The following XAB2 variants were observed in gnomAD, a reference collection of about 807,000 sequenced individuals.
XAB2 encodes XPA binding protein 2.
A neutral mutation model predicts 113.4 loss-of-function variants in XAB2; 57 were observed. That is an observed-to-expected ratio of 0.50 (90% confidence interval 0.41 to 0.63). XAB2 has a LOEUF of 0.63. Among genes scored for constraint, XAB2 ranks in the 20% least tolerant of loss-of-function variants. XAB2 has a pLI of 0.00. For synonymous variants in XAB2, 497 were observed against 498.8 expected (o/e 1.00, Z 0.05); for missense variants, 1,037 against 1,233.3 (o/e 0.84, Z 2.38).
rs565863506 is a variant in XAB2, at chr19:7,622,492, T to A, written c.1503+38A>T. On this transcript the variant is annotated intron_variant, in intron 11 of 18. Transcript: ENST00000358368. ...GGTTGGAGCTGGTTCTGGAGCTGAGTCCGGGGCCCCGTCCCTCCCCAGCCA... is the reference window on the plus strand; with the variant it reads ...GGTTGGAGCTGGTTCTGGAGCTGAGACCGGGGCCCCGTCCCTCCCCAGCCA... 3.1e-6 allele frequency: 5 copies of A among 1,613,630 alleles called. No individual in the cohort carries two copies. In the East Asian group the frequency reaches 6.7e-5, roughly 22 times the overall value.
intron 10 of XAB2, 30 bp downstream of exon 10, chr19:7,622,732 C>A (rs369848501): frequency 6.2e-7 from 1 of 1,613,410 alleles, no homozygotes; most frequent in South Asian, 1.1e-5. Flanking sequence ...AACCTGCAGC[C>A]CCCACCCCAC....
chr19:7,623,099 CACAT>C lies in XAB2; in HGVS notation c.1239+67_1239+70del. The C allele has an allele frequency of 1.9e-6, 3 of 1,592,756 alleles. No homozygotes were observed. The highest frequency in any genetic ancestry group is 2.6e-6 in the Non-Finnish European group (3 of 1,168,812). On this transcript the variant is annotated intron_variant, in intron 9 of 18. Transcript: ENST00000358368. This position sits in a 1 kb window ranked among gnomAD's most constrained non-coding sequence, Gnocchi z 4.6. ...ACATCCATGCACAAATATGTACACA[CACAT>C]ACATGCACACATATACAAGCACACA...
chr19:7,626,354 C>A, intron 4 of XAB2, 84 bp from the exon 5 acceptor site: 2 of 1,549,896 alleles, frequency 1.3e-6, no homozygotes, highest in Non-Finnish European at 1.7e-6. Flanking sequence ...GGGGCGTCCC[C>A]CCCCACCCAT....
At position 7,625,820 on chromosome 19, in the gene XAB2, TC is replaced by T. The variant is rs34086207; in HGVS notation, c.822+59del. The T allele has an allele frequency of 1.3e-6, 2 of 1,543,624 alleles. No homozygotes were observed. Among genetic ancestry groups the T allele is most frequent in the Non-Finnish European group, 8.8e-7 (1 of 1,141,176 alleles). On this transcript the variant is annotated intron_variant, in intron 6 of 18. Transcript: ENST00000358368. The surrounding 1 kb of genome is among the most constrained non-coding windows in gnomAD (Gnocchi z 5.2). ...CTGCCTGTGCATGTGTCAACATGTG[TC>T]CCCGAGTGTCGGAGGGAGACCCCGC...
chr19:7,620,968 C>G lies in XAB2; in HGVS notation c.1849G>C (p.Glu617Gln), dbSNP rs768490377. ...GLARHAMAVYERATRAVEPAQ... is the reference protein window; with the variant it reads ...GLARHAMAVYQRATRAVEPAQ... ...GGCTCCACGGCCCTGGTGGCACGCT[C>G]GTACACGGCCATGGCATGCCGGGCC... Residue 617 changes from glutamate to glutamine, a missense_variant, in exon 14 of 19, where the codon GAG (glutamate) becomes CAG (glutamine). Transcript: ENST00000358368. 1.9e-6 allele frequency: 3 copies of G among 1,578,386 alleles called. No individual in the cohort carries two copies. The highest frequency in any genetic ancestry group is 1.2e-5 in the South Asian group (1 of 86,338).
In XAB2 at chr19:7,619,779, T is replaced by A; in HGVS notation, c.2474A>T (p.Glu825Val). 1 of 1,613,776 alleles carries A rather than the reference T, an allele frequency of 6.2e-7. No homozygotes were observed. ...NPEEIQLGEDEDEDEMDLEPN... is the reference protein window; with the variant it reads ...NPEEIQLGEDVDEDEMDLEPN... ...CTCCAGGTCCATCTCGTCCTCGTCC[T>A]CGTCCTCGCCCAGCTGGATCTCCTC... Residue 825 changes from glutamate to valine, a missense_variant, in exon 18 of 19, where the codon GAG (glutamate) becomes GTG (valine). Physicochemically the swap from Glu to Val is moderately radical, Grantham distance 121 (BLOSUM62 -2). Transcript: ENST00000358368.
Position 7,624,573 on chromosome 19 carries a change from G to C in XAB2, c.823-128C>G. ...GGGTAGTGACGCATCCAGCACCTCT[G>C]GGTAGTGACCCCAGGACAGAGCCTC... On this transcript the variant is annotated intron_variant, in intron 6 of 18. Coordinates refer to ENST00000358368, the MANE Select transcript of XAB2 (RefSeq NM_020196.3). The surrounding 1 kb of genome is among the most constrained non-coding windows in gnomAD (Gnocchi z 4.2). 1 of 1,383,192 alleles carries C rather than the reference G, an allele frequency of 7.2e-7. No individual in the cohort carries two copies. 85.7% of individuals were successfully genotyped at this position (1,383,192 alleles called of 1,614,324 possible).
In XAB2 at chr19:7,626,193, C is replaced by G. The variant is rs1319236415; in HGVS notation, c.600G>C (p.Leu200=). 1 of 1,613,778 alleles carries G rather than the reference C, an allele frequency of 6.2e-7. No individual in the cohort carries two copies. Among genetic ancestry groups the G allele is most frequent in the East Asian group, 2.2e-5 (1 of 44,894 alleles). The change falls in exon 5 of 19, where the codon CTG becomes CTC. Residue 200 remains leucine, a synonymous_variant. Transcript: ENST00000358368. ...AACGCTCGTCGTTCACCACGGTGGC[C>G]AGGCGCTGGGCGGCCTCATCCAGCC... ...SDRLDEAAQR[L]ATVVNDERFV... is the part of the protein sequence containing the mutation.
rs1410950466 is a variant in XAB2, at chr19:7,623,498, C to T, written c.1120-209G>A. Among the ~76,000 whole-genome samples, 1 of 150,992 alleles carries T rather than the reference C, an allele frequency of 6.6e-6. No individual in the cohort carries two copies. The highest frequency in any genetic ancestry group is 6.6e-5 in the Admixed American group (1 of 15,192). On this transcript the variant is annotated intron_variant, in intron 8 of 18. Transcript: ENST00000358368. This position sits in a 1 kb window ranked among gnomAD's most constrained non-coding sequence, Gnocchi z 4.6. ...GGGCCAGGAGAGAGCTGTGACCCTC[C>T]AAGGGGCGGGGCCACGAGGGAGCTG...
Position 7,625,991 on chromosome 19 carries a change from G to A in XAB2, c.711C>T (p.Ser237=). ...CGCGGATGATGGCGTCCACATTGAGGGACTGTACCTTGTCCGGATTCTGGG... is the reference window on the plus strand; with the variant it reads ...CGCGGATGATGGCGTCCACATTGAGAGACTGTACCTTGTCCGGATTCTGGG... ...LISQNPDKVQ[S]LNVDAIIRGG... Residue 237 remains serine (S), a synonymous_variant, in exon 6 of 19, where the codon TCC becomes TCT. Transcript: ENST00000358368. This position sits in a 1 kb window ranked among gnomAD's most constrained non-coding sequence, Gnocchi z 5.2. 6.2e-7 allele frequency: 1 copy of A among 1,613,514 alleles called. No homozygotes were observed.
chr19:7,619,759 G>C lies in XAB2; in HGVS notation c.2494C>G (p.Leu832Val). 6.2e-7 allele frequency: 1 copy of C among 1,613,698 alleles called. No homozygotes were observed. Among genetic ancestry groups the C allele is most frequent in the Non-Finnish European group, 8.5e-7 (1 of 1,179,892 alleles). Reference protein sequence around the residue: ...GEDEDEDEMDLEPNEVRLEQQ... With the variant: ...GEDEDEDEMDVEPNEVRLEQQ... ...GCCGGGCCCTCACCGTTGGGCTCCA[G>C]GTCCATCTCGTCCTCGTCCTCGTCC... Residue 832 changes from leucine (L) to valine (V), a missense_variant, in exon 18 of 19, where the codon CTG becomes GTG. Transcript: ENST00000358368.
chr19:7,629,420 G>A lies in XAB2; in HGVS notation c.51+57C>T, dbSNP rs1016594850. The A allele has an allele frequency of 3.9e-6, 6 of 1,553,272 alleles. No individual in the cohort carries two copies. In the African/African-American group the frequency reaches 5.4e-5, roughly 14 times the overall value. On this transcript the variant is annotated intron_variant, in intron 1 of 18. Coordinates refer to ENST00000358368, the MANE Select transcript of XAB2 (RefSeq NM_020196.3). Reference sequence around the variant, plus strand: ...TGCCGACCCAGCCTCGATCCCCTGCGGCGTCCAGGTCCCAATGCCCCAACG... The same window carrying A: ...TGCCGACCCAGCCTCGATCCCCTGCAGCGTCCAGGTCCCAATGCCCCAACG...
rs1242626408 is a variant in XAB2, at chr19:7,624,850, C to T, written c.823-405G>A. 1.3e-5 allele frequency among the ~76,000 whole-genome samples: 2 copies of T among 152,208 alleles called. No individual in the cohort carries two copies. Among genetic ancestry groups the T allele is most frequent in the African/African-American group, 2.4e-5 (1 of 41,466 alleles). On this transcript the variant is annotated intron_variant, in intron 6 of 18. Transcript: ENST00000358368. This position sits in a 1 kb window ranked among gnomAD's most constrained non-coding sequence, Gnocchi z 4.2. ...AGAATTTGCTCCAAAGCGTCCCTCT[C>T]GCTTGCCTGACCCTCTTCCCCAGCC...
In XAB2 at chr19:7,619,582, C is replaced by T. The variant is rs368454612; in HGVS notation, c.*4G>A. 72 of 1,571,330 alleles carry T rather than the reference C, an allele frequency of 4.6e-5. No individual in the cohort carries two copies. In the African/African-American group the frequency reaches 6.4e-4, roughly 14 times the overall value. On this transcript the variant is annotated 3_prime_UTR_variant, in exon 19 of 19. Transcript: ENST00000358368. The stretch of plus-strand genomic sequence containing the variant: ...GTGGGGAGGGGGGATGGGGGAGGGA[C>T]GGGTCAGTCTTCCTTCAGGCTCCCA...
At chr19:7,626,342 T>C in intron 4 of XAB2, 72 bp from the exon 5 acceptor site, 1 of 1,566,580 alleles carries the variant, frequency 6.4e-7, no homozygotes, top group Non-Finnish European at 8.6e-7. Flanking sequence ...TTCAGTGGCT[T>C]CGGGGCGTCC....
Position 7,622,565 on chromosome 19 carries a change from G to C in XAB2, c.1468C>G (p.Leu490Val), listed in dbSNP as rs765358302. 26 of 1,613,596 alleles carry C rather than the reference G, an allele frequency of 1.6e-5. No homozygotes were observed. Among genetic ancestry groups the C allele is most frequent in the Non-Finnish European group, 2.2e-5 (26 of 1,180,034 alleles). Reference sequence around the variant, plus strand: ...CCGAGGCTCTCCTCCAGGTCGGCGAGCATGGACCAGACCTTCAGTGACTTG... The same window carrying C: ...CCGAGGCTCTCCTCCAGGTCGGCGACCATGGACCAGACCTTCAGTGACTTG... ...VYKSLKVWSM[L>V]ADLEESLGTF... The change falls in exon 11 of 19, where the codon CTC becomes GTC. Residue 490 changes from leucine (L) to valine (V), a missense_variant. Physicochemically the swap from Leu to Val is conservative, Grantham distance 32. Transcript: ENST00000358368.
chr19:7,621,611 G>A (rs902618688), intron 12 of XAB2: 39 of 413,312 alleles, frequency 9.4e-5, no homozygotes, highest in African/African-American at 7.3e-4. Context: ...CAGGGAGAAG[G>A]CCGCACCCCC....
chr19:7,620,510 C>T (rs1225622413), intron 15 of XAB2, 37 bp downstream of exon 15: 7 of 1,612,440 alleles, frequency 4.3e-6, no homozygotes, highest in Non-Finnish European at 5.9e-6. Context: ...CCGCCGCAGC[C>T]CCCAACCCTG....
In XAB2 at chr19:7,627,195, C is replaced by A. The variant is rs777642710; in HGVS notation, c.522+48G>T. The A allele has an allele frequency of 1.3e-6, 2 of 1,598,802 alleles. No individual in the cohort carries two copies. Among genetic ancestry groups the A allele is most frequent in the Admixed American group, 3.3e-5 (2 of 59,890 alleles). ...ACGCGGAGCTAGTGTCACAGTGAGGCCGTTTCTGGAAACTAACCTGGGGAA... is the reference window on the plus strand; with the variant it reads ...ACGCGGAGCTAGTGTCACAGTGAGGACGTTTCTGGAAACTAACCTGGGGAA... On this transcript the variant is annotated intron_variant, in intron 4 of 18. Coordinates refer to ENST00000358368, the MANE Select transcript of XAB2 (RefSeq NM_020196.3). This position sits in a 1 kb window ranked among gnomAD's most constrained non-coding sequence, Gnocchi z 4.5.
Sources: allele counts gnomAD v4.1 joint callset (sites outside exome capture counted in the v4.1 genomes callset), GRCh38; gene constraint gnomAD v4.1.1; non-coding constraint Gnocchi (gnomAD v3.1); transcripts MANE v1.5; gene names NCBI Gene and HGNC (gene_info 2026-07-23, HGNC 2026-07-21).